CDK14: variants seen among roughly 807,000 people sequenced by gnomAD.
CDK14 encodes the protein cyclin-dependent kinase 14.
Under a neutral mutation model 60.7 loss-of-function variants are expected in CDK14, and 34 were observed. That is an observed-to-expected ratio of 0.56 (90% CI 0.43 to 0.75). CDK14 has a LOEUF of 0.75. Ranked by LOEUF, CDK14 falls within the 30% of genes least tolerant of loss-of-function variation. The pLI is 0.00. For synonymous variants in CDK14, 197 were observed against 203.7 expected (o/e 0.97, Z 0.28); for missense variants, 482 against 564.1 (o/e 0.85, Z 1.47).
At chr7:90,973,900 A>G (rs1794997040) in intron 9 of CDK14, among the ~76,000 whole-genome samples, 1 of 152,090 alleles carries the variant, frequency 6.6e-6, no homozygotes, top group Non-Finnish European at 1.5e-5. Flanking sequence ...TTAACAGGAA[A>G]CAGGGTTCGA....
intron 12 of CDK14, among the ~76,000 whole-genome samples, chr7:91,092,866 A>T (rs1428127787): frequency 6.6e-6 from 1 of 152,322 alleles, no homozygotes; most frequent in South Asian, 2.1e-4. Context: ...TCTAATGTAG[A>T]AGGAAACGAT....
intron 12 of CDK14, among the ~76,000 whole-genome samples, chr7:91,082,771 G>A (rs1412530485): frequency 6.6e-6 from 1 of 152,108 alleles, no homozygotes; most frequent in East Asian, 1.9e-4. Context: ...AAAACATAAT[G>A]TATTTAAAAT....
intron 14 of CDK14, among the ~76,000 whole-genome samples, chr7:91,139,011 C>A (rs1263335897): frequency 6.6e-6 from 1 of 152,134 alleles, no homozygotes; most frequent in Non-Finnish European, 1.5e-5. Flanking sequence ...CATTCGAGGT[C>A]AGTGTTCCCA....
At chr7:90,901,780 A>G (rs1454130248) in intron 7 of CDK14, among the ~76,000 whole-genome samples, 4 of 151,906 alleles carry the variant, frequency 2.6e-5, no homozygotes, top group Non-Finnish European at 5.9e-5. Flanking sequence ...CAGCCAAGAG[A>G]AAAAAATGGA....
intron 9 of CDK14, among the ~76,000 whole-genome samples, chr7:90,980,426 C>G (rs1212154242): frequency 6.6e-6 from 1 of 151,824 alleles, no homozygotes; most frequent in African/African-American, 2.4e-5. Context: ...AATTTTTTTT[C>G]TCAGTAAACC....
intron 14 of CDK14, among the ~76,000 whole-genome samples, chr7:91,130,606 A>G (rs1216044635): frequency 6.6e-6 from 1 of 152,164 alleles, no homozygotes; most frequent in Admixed American, 6.6e-5. Context: ...GCTATATGAA[A>G]TGATTCTGGA....
chr7:91,120,255 C>T (rs1468284975), intron 14 of CDK14, among the ~76,000 whole-genome samples: 1 of 152,130 alleles, frequency 6.6e-6, no homozygotes, highest in African/African-American at 2.4e-5. Flanking sequence ...TTCAGCTCAG[C>T]TCCTCTTTGG....
At chr7:90,906,602 A>G (rs967507774) in intron 7 of CDK14, among the ~76,000 whole-genome samples, 1 of 152,084 alleles carries the variant, frequency 6.6e-6, no homozygotes, top group African/African-American at 2.4e-5. Flanking sequence ...CTAGGATTCT[A>G]AAACTGTACA....
At chr7:90,929,787 A>G (rs1032611054) in intron 8 of CDK14, among the ~76,000 whole-genome samples, 7 of 152,238 alleles carry the variant, frequency 4.6e-5, no homozygotes, top group African/African-American at 1.7e-4. Flanking sequence ...CCTGTGAGAT[A>G]AGAAATTTTG....
chr7:91,010,648 CATAG>C (rs1460467098), intron 10 of CDK14, among the ~76,000 whole-genome samples: 2 of 151,886 alleles, frequency 1.3e-5, no homozygotes, highest in African/African-American at 4.8e-5. Flanking sequence ...TGGTAGATTA[CATAG>C]ATATTCTATG....
At chr7:90,729,390 A>G (rs73707494) in intron 3 of CDK14, among the ~76,000 whole-genome samples, 1,854 of 113,178 alleles carry the variant, frequency 0.016, 63 homozygotes, top group African/African-American at 0.059. Flanking sequence ...ATCCTAGGCA[A>G]TGTGACTTCT....
Position 90,946,688 on chromosome 7 carries a change from C to A in CDK14, c.827-9009C>A, listed in dbSNP as rs75104485. On this transcript the variant is annotated intron_variant, in intron 8 of 14. Coordinates refer to ENST00000380050, the MANE Select transcript of CDK14 (RefSeq NM_001287135.2). ...GAATGTTTTAAAAATTCACTTCAGT[C>A]CGGGCATTTCAGAAGAGCCTTTTAT... 5.8e-3 allele frequency among the ~76,000 whole-genome samples: 885 copies of A among 152,294 alleles called. 11 individuals are homozygous for A. The highest frequency in any genetic ancestry group is 0.02 in the African/African-American group (833 of 41,554).
At chr7:91,130,102 C>T (rs1800071871) in intron 14 of CDK14, among the ~76,000 whole-genome samples, 2 of 152,026 alleles carry the variant, frequency 1.3e-5, no homozygotes, top group Admixed American at 1.3e-4. Context: ...TATTAAAATA[C>T]TTTTTTCTTT....
At chr7:91,009,869 A>T (rs1210434572) in intron 10 of CDK14, among the ~76,000 whole-genome samples, 1 of 152,154 alleles carries the variant, frequency 6.6e-6, no homozygotes, top group Non-Finnish European at 1.5e-5. Context: ...CATGGTCACA[A>T]AGATTTTCTT....
At chr7:91,056,032 C>T (rs1368275611) in intron 11 of CDK14, among the ~76,000 whole-genome samples, 1 of 152,194 alleles carries the variant, frequency 6.6e-6, no homozygotes, top group African/African-American at 2.4e-5. Flanking sequence ...CATAACTCCT[C>T]ACCCTGAACT....
chr7:90,729,138 A>C (rs1563059837), intron 3 of CDK14, among the ~76,000 whole-genome samples: 1 of 151,772 alleles, frequency 6.6e-6, no homozygotes, highest in Non-Finnish European at 1.5e-5. Context: ...TCAGAGAATA[A>C]ATCTCTGGCG....
At chr7:91,163,602 G>A (rs889406914) in intron 14 of CDK14, among the ~76,000 whole-genome samples, 24 of 152,060 alleles carry the variant, frequency 1.6e-4, no homozygotes, top group African/African-American at 4.8e-4. Flanking sequence ...CTTACTTACC[G>A]TTTTTTGCAT....
chr7:90,806,769 T>G (rs1473057233), intron 5 of CDK14, among the ~76,000 whole-genome samples: 1 of 152,134 alleles, frequency 6.6e-6, no homozygotes. Flanking sequence ...ACTCCCACCC[T>G]AATACTGTGC....
At chr7:90,649,377 C>T (rs1584768398) in intron 2 of CDK14, among the ~76,000 whole-genome samples, 2 of 53,320 alleles carry the variant, frequency 3.8e-5, no homozygotes, top group Non-Finnish European at 3.3e-5. Context: ...TTCCTTCCTT[C>T]CTTCCTTCCT....
Sources: allele counts gnomAD v4.1 joint callset (sites outside exome capture counted in the v4.1 genomes callset), GRCh38; gene constraint gnomAD v4.1.1; transcripts MANE v1.5; gene names NCBI Gene and HGNC (gene_info 2026-07-23, HGNC 2026-07-21).